The following KLHL1 variants were observed in gnomAD, a reference collection of about 807,000 sequenced individuals.
KLHL1 encodes the protein kelch-like protein 1.
Under a neutral mutation model 77.7 loss-of-function variants are expected in KLHL1, and 47 were observed. That is an observed-to-expected ratio of 0.60 (90% confidence interval 0.48 to 0.77). The LOEUF (loss-of-function observed/expected upper bound fraction) is 0.77, where lower values mean the gene tolerates loss of function less well. Among genes scored for constraint, KLHL1 ranks in the 30% least tolerant of loss-of-function variants. KLHL1 has a pLI of 0.00. For missense variants in KLHL1, 925 were observed against 910.8 expected (o/e 1.02, Z -0.20); for synonymous variants, 360 against 325.2 (o/e 1.11, Z -1.15).
chr13:70,085,520 T>C (rs1317631766), intron 1 of KLHL1, among the ~76,000 whole-genome samples: 3 of 152,208 alleles, frequency 2.0e-5, no homozygotes, highest in African/African-American at 4.8e-5. Flanking sequence ...TATATTTACA[T>C]TGCTATTTTT....
intron 3 of KLHL1, among the ~76,000 whole-genome samples, chr13:69,953,299 T>G (rs1198465442): frequency 1.3e-5 from 2 of 151,254 alleles, no homozygotes; most frequent in Non-Finnish European, 3.0e-5. Context: ...ACAACAATAT[T>G]AATTGTAAGA....
intron 1 of KLHL1, among the ~76,000 whole-genome samples, chr13:69,991,792 A>T (rs1885035877): frequency 6.6e-6 from 1 of 152,026 alleles, no homozygotes; most frequent in Non-Finnish European, 1.5e-5. Flanking sequence ...CTTCTCCTCA[A>T]CTCATTCTAT....
intron 7 of KLHL1, among the ~76,000 whole-genome samples, chr13:69,788,834 A>G (rs1345164319): frequency 6.6e-6 from 1 of 152,130 alleles, no homozygotes. Context: ...CCTATAAGAT[A>G]GGTAATCTTT....
chr13:70,022,287 G>GTGTC (rs1306114646), intron 1 of KLHL1, among the ~76,000 whole-genome samples: 21 of 91,084 alleles, frequency 2.3e-4, no homozygotes, highest in Middle Eastern at 5.4e-3. Context: ...GTGTTTGTGT[G>GTGTC]TGTGTGTGTG....
At chr13:69,852,610 A>G (rs1324529061) in intron 5 of KLHL1, among the ~76,000 whole-genome samples, 2 of 151,952 alleles carry the variant, frequency 1.3e-5, no homozygotes, top group Non-Finnish European at 2.9e-5. Flanking sequence ...AAAAAATTTT[A>G]ATCACTTTAT....
intron 4 of KLHL1, among the ~76,000 whole-genome samples, chr13:69,890,209 A>G (rs1881374754): frequency 7.0e-6 from 1 of 143,100 alleles, no homozygotes; most frequent in Admixed American, 7.4e-5. Context: ...ACCAGACTAC[A>G]TTTTTCTCCT....
chr13:69,911,593 A>G (rs1028355915), intron 4 of KLHL1, among the ~76,000 whole-genome samples: 4 of 150,186 alleles, frequency 2.7e-5, no homozygotes, highest in Non-Finnish European at 5.9e-5. Flanking sequence ...AGCCCAAAGC[A>G]CTAATAGTAA....
chr13:69,746,377 A>G (rs1874214050), intron 7 of KLHL1, among the ~76,000 whole-genome samples: 1 of 151,826 alleles, frequency 6.6e-6, no homozygotes, highest in South Asian at 2.1e-4. Context: ...ATTGTTAAAT[A>G]TTTCCTTTTA....
intron 5 of KLHL1, among the ~76,000 whole-genome samples, chr13:69,848,259 G>C (rs551953298): frequency 1.6e-4 from 24 of 151,618 alleles, no homozygotes; most frequent in African/African-American, 5.5e-4. Context: ...GGCAGTATGA[G>C]ACAGTTTGTT....
chr13:69,787,868 AAAG>A (rs1377907459), intron 7 of KLHL1, among the ~76,000 whole-genome samples: 1 of 152,254 alleles, frequency 6.6e-6, no homozygotes, highest in Non-Finnish European at 1.5e-5. Context: ...ACATTTCTGA[AAAG>A]AAGACATTTA....
At chr13:69,774,735 C>T (rs983572871) in intron 7 of KLHL1, among the ~76,000 whole-genome samples, 1 of 151,846 alleles carries the variant, frequency 6.6e-6, no homozygotes, top group Non-Finnish European at 1.5e-5. Flanking sequence ...TAAAATAATG[C>T]AATAATATTT....
chr13:69,879,772 T>C (rs920859039), intron 5 of KLHL1, among the ~76,000 whole-genome samples: 1 of 152,146 alleles, frequency 6.6e-6, no homozygotes, highest in Non-Finnish European at 1.5e-5. Flanking sequence ...TGATAGAAGA[T>C]CCACATTTCT....
chr13:70,074,744 G>A (rs1431361048), intron 1 of KLHL1, among the ~76,000 whole-genome samples: 44 of 145,542 alleles, frequency 3.0e-4, no homozygotes, highest in Non-Finnish European at 2.4e-4. Flanking sequence ...GAGCAAGCAA[G>A]AAAAAAAAAA....
At chr13:69,895,362 A>T (rs1881594276) in intron 4 of KLHL1, among the ~76,000 whole-genome samples, 1 of 152,012 alleles carries the variant, frequency 6.6e-6, no homozygotes, top group African/African-American at 2.4e-5. Context: ...ACTTTGACCC[A>T]TCTTGCCTTG....
intron 1 of KLHL1, among the ~76,000 whole-genome samples, chr13:70,093,001 A>T (rs1887703399): frequency 6.6e-6 from 1 of 152,242 alleles, no homozygotes; most frequent in African/African-American, 2.4e-5. Flanking sequence ...AACAAAATTT[A>T]ATTTTAAATA....
At chr13:70,045,720 T>G (rs1459500197) in intron 1 of KLHL1, among the ~76,000 whole-genome samples, 1 of 152,154 alleles carries the variant, frequency 6.6e-6, no homozygotes, top group Non-Finnish European at 1.5e-5. Flanking sequence ...CCTGAGTAAC[T>G]AAAGGACATT....
intron 6 of KLHL1, 65 bp downstream of exon 6, chr13:69,838,911 C>T (rs1879132252): frequency 2.8e-6 from 3 of 1,063,320 alleles, no homozygotes; most frequent in Admixed American, 3.0e-5. Flanking sequence ...ATCACCATTA[C>T]AATATAAAAG....
At position 69,715,263 on chromosome 13, in the gene KLHL1, G is replaced by T. The variant is rs1876064986; in HGVS notation, c.2015+4106C>A. On this transcript the variant is annotated intron_variant, in intron 9 of 10. Transcript: ENST00000377844. The stretch of plus-strand genomic sequence containing the variant: ...ATTGTAATCCCCAGGTGCTGAGGGA[G>T]AAACTTGGTGGGGGGTGATTGGATA... Among the ~76,000 whole-genome samples, 5 of 152,166 alleles carry T rather than the reference G, an allele frequency of 3.3e-5. No individual in the cohort carries two copies. In the South Asian group the frequency reaches 1.0e-3, roughly 32 times the overall value.
In KLHL1 at chr13:69,819,167, C is replaced by T. The variant is rs548825596; in HGVS notation, c.1414+19809G>A. 3.9e-5 allele frequency among the ~76,000 whole-genome samples: 6 copies of T among 152,258 alleles called. No homozygotes were observed. In the East Asian group the frequency reaches 1.2e-3, roughly 29 times the overall value. ...AAATAAGGTCAAGATATCTCATTTTCCATTTTTGCCTTGCAACAATACAGA... is the reference window on the plus strand; with the variant it reads ...AAATAAGGTCAAGATATCTCATTTTTCATTTTTGCCTTGCAACAATACAGA... On this transcript the variant is annotated intron_variant, in intron 6 of 10. Transcript: ENST00000377844.
Sources: gnomAD v4.1 joint callset for allele counts (sites outside exome capture counted in the v4.1 genomes callset) on GRCh38, gnomAD v4.1.1 for gene constraint, MANE v1.5 for transcripts, NCBI Gene and HGNC (gene_info 2026-07-23, HGNC 2026-07-21) for gene names.